Variants in ADAMTS17 observed in about 807,000 individuals in gnomAD.
ADAMTS17 encodes the protein ADAM metallopeptidase with thrombospondin type 1 motif 17.
ADAMTS17 carries 113 observed loss-of-function variants against 141.5 expected under a neutral mutation model. The observed-to-expected ratio is 0.80, with a 90% CI of 0.69 to 0.93. The LOEUF (loss-of-function observed/expected upper bound fraction) is 0.93, where lower values mean the gene tolerates loss of function less well. Ranked by LOEUF, ADAMTS17 falls within the 40% of genes least tolerant of loss-of-function variation. The pLI, the probability that ADAMTS17 is intolerant of heterozygous loss-of-function variation, is 0.00. For synonymous variants in ADAMTS17, 768 were observed against 630.6 expected, an observed-to-expected ratio of 1.22 and a Z score of -3.27; for missense variants, 1,659 against 1,517.9, an observed-to-expected ratio of 1.09 and a Z score of -1.54.
intron 7 of ADAMTS17, among the ~76,000 whole-genome samples, chr15:100,248,842 A>C (rs901950165): frequency 6.7e-6 from 1 of 149,674 alleles, no homozygotes; most frequent in Non-Finnish European, 1.5e-5. Flanking sequence ...TCTGTTGCCC[A>C]GGCTGGAGTG....
intron 13 of ADAMTS17, among the ~76,000 whole-genome samples, chr15:100,115,002 G>A (rs2037023607): frequency 6.6e-6 from 1 of 152,232 alleles, no homozygotes; most frequent in South Asian, 2.1e-4. Flanking sequence ...ACAACTTGGG[G>A]CACAAAGTTG....
chr15:99,976,916 G>A (rs531426473), intron 20 of ADAMTS17, among the ~76,000 whole-genome samples: 2 of 152,248 alleles, frequency 1.3e-5, no homozygotes, highest in African/African-American at 2.4e-5. Flanking sequence ...GCTCGCCTCT[G>A]CTCCAGGCTC....
chr15:100,132,568 C>T (rs1456688732), intron 11 of ADAMTS17, among the ~76,000 whole-genome samples: 3 of 152,210 alleles, frequency 2.0e-5, no homozygotes, highest in Admixed American at 1.3e-4. Context: ...GCCAGCTCCA[C>T]GTGAGGGAAC....
In ADAMTS17 at chr15:99,997,481, C is replaced by G. The variant is rs149373184; in HGVS notation, c.2700G>C (p.Thr900=). The G allele has an allele frequency of 2.5e-6, 4 of 1,613,420 alleles. No individual in the cohort carries two copies. Among genetic ancestry groups the G allele is most frequent in the Non-Finnish European group, 3.4e-6 (4 of 1,179,976 alleles). The change falls in exon 19 of 22, where the codon ACG becomes ACC. Residue 900 remains threonine, a synonymous_variant. Transcript: ENST00000268070. The surrounding 1 kb of genome is among the most constrained non-coding windows in gnomAD (Gnocchi z 4.7). The part of the protein sequence containing the change: ...YQLQNGTHVA[T]RPLYCPGPRP... ...GGGGGCCCGGGCAGTAGAGGGGCCG[C>G]GTAGCGACGTGTGTGCCGTTCTGCA...
chr15:100,096,536 C>T (rs769956045), intron 14 of ADAMTS17, 60 bp from the exon 15 acceptor site: 7 of 1,612,072 alleles, frequency 4.3e-6, no homozygotes, highest in Non-Finnish European at 5.9e-6. Flanking sequence ...TTTAAAGAGG[C>T]TGCCCTGCAA....
At chr15:100,057,614 G>A (rs1490454606) in intron 15 of ADAMTS17, among the ~76,000 whole-genome samples, 1 of 152,154 alleles carries the variant, frequency 6.6e-6, no homozygotes, top group Non-Finnish European at 1.5e-5. Flanking sequence ...TTAAGCAATG[G>A]TACCCAGGGT....
chr15:100,168,159 C>T (rs1364453643), intron 8 of ADAMTS17, among the ~76,000 whole-genome samples: 1 of 152,184 alleles, frequency 6.6e-6, no homozygotes, highest in Admixed American at 6.5e-5. Context: ...GGGAGGGCTC[C>T]GAGGATGCAG....
intron 15 of ADAMTS17, among the ~76,000 whole-genome samples, chr15:100,090,803 C>T (rs1596395891): frequency 6.6e-6 from 1 of 152,034 alleles, no homozygotes; most frequent in African/African-American, 2.4e-5. Flanking sequence ...GTCAGGAGTT[C>T]AAGACTAGCC....
At chr15:100,210,687 C>T (rs949013519) in intron 7 of ADAMTS17, among the ~76,000 whole-genome samples, 2 of 152,186 alleles carry the variant, frequency 1.3e-5, no homozygotes, top group African/African-American at 2.4e-5. Context: ...AAGAGCTAGT[C>T]AGGCGCAGTG....
chr15:99,991,571 T>C (rs947395793), intron 20 of ADAMTS17, among the ~76,000 whole-genome samples: 3 of 151,832 alleles, frequency 2.0e-5, no homozygotes, highest in African/African-American at 7.3e-5. Context: ...ACACTGTTCA[T>C]GGGGAATGTA....
chr15:100,193,216 A>G (rs1193109102), intron 8 of ADAMTS17, among the ~76,000 whole-genome samples: 1 of 152,142 alleles, frequency 6.6e-6, no homozygotes, highest in Admixed American at 6.5e-5. Flanking sequence ...CAGTGGCTCC[A>G]CCACAGGTCA....
intron 15 of ADAMTS17, among the ~76,000 whole-genome samples, chr15:100,054,585 A>G (rs1190195653): frequency 1.3e-5 from 2 of 152,152 alleles, no homozygotes; most frequent in Admixed American, 1.3e-4. Flanking sequence ...CCCCATTACT[A>G]AAGTGGACGT....
At chr15:100,096,543 G>A (rs956345678) in intron 14 of ADAMTS17, 67 bp from the exon 15 acceptor site, 42 of 1,609,422 alleles carry the variant, frequency 2.6e-5, no homozygotes, top group Non-Finnish European at 3.5e-5. Context: ...AGGCTGCCCT[G>A]CAAGGCTAAC....
Position 100,341,286 on chromosome 15 carries a change from G to A in ADAMTS17, c.203C>T (p.Pro68Leu), listed in dbSNP as rs1292404696. The change falls in exon 2 of 22, where the codon CCC (proline) becomes CTC (leucine). Residue 68 changes from proline to leucine, a missense_variant. Pro to Leu is a moderately conservative substitution (Grantham distance 98). Coordinates refer to ENST00000268070, the MANE Select transcript of ADAMTS17 (RefSeq NM_139057.4). ...GPRRRRRPRT[P>L]PAAPRARPGE... Reference sequence around the variant, plus strand: ...GGGCCGGGCGCGCGGGGCGGCTGGGGGCGTGCGGGGGCGTCGCCGCCGTCG... The same window carrying A: ...GGGCCGGGCGCGCGGGGCGGCTGGGAGCGTGCGGGGGCGTCGCCGCCGTCG... 5.3e-6 allele frequency: 6 copies of A among 1,127,464 alleles called. No homozygotes were observed. The highest frequency in any genetic ancestry group is 6.5e-6 in the Non-Finnish European group (6 of 924,300). 69.8% of individuals were successfully genotyped at this position (1,127,464 alleles called of 1,614,324 possible).
intron 7 of ADAMTS17, among the ~76,000 whole-genome samples, chr15:100,227,134 GC>G (rs1296527593): frequency 6.6e-6 from 1 of 152,044 alleles, no homozygotes; most frequent in Non-Finnish European, 1.5e-5. Context: ...AACCCCGAGT[GC>G]CCCCTCAGCC....
chr15:100,264,810 T>C (rs2043652061), intron 4 of ADAMTS17, among the ~76,000 whole-genome samples: 1 of 151,342 alleles, frequency 6.6e-6, no homozygotes, highest in Non-Finnish European at 1.5e-5. Flanking sequence ...TTCCAGGGGC[T>C]GGGGGGAGGC....
chr15:100,308,576 T>TA (rs2045302117), intron 3 of ADAMTS17, among the ~76,000 whole-genome samples: 1 of 152,206 alleles, frequency 6.6e-6, no homozygotes, highest in African/African-American at 2.4e-5. Context: ...TAACTCCAAG[T>TA]AACTACTCTT....
At chr15:100,265,940 C>T (rs763848968) in intron 4 of ADAMTS17, among the ~76,000 whole-genome samples, 27 of 152,290 alleles carry the variant, frequency 1.8e-4, no homozygotes, top group Admixed American at 3.3e-4. Flanking sequence ...TGCTCCTTCC[C>T]CACCCTGCTC....
At chr15:100,212,927 G>A (rs149706231) in intron 7 of ADAMTS17, among the ~76,000 whole-genome samples, 3 of 152,098 alleles carry the variant, frequency 2.0e-5, no homozygotes, top group African/African-American at 4.8e-5. Flanking sequence ...TCAGGTGCAC[G>A]CATTTAATTT....
Sources: gnomAD v4.1 joint callset for allele counts (sites outside exome capture counted in the v4.1 genomes callset) on GRCh38, gnomAD v4.1.1 for gene constraint, Gnocchi (gnomAD v3.1) non-coding constraint, MANE v1.5 for transcripts, NCBI Gene and HGNC (gene_info 2026-07-23, HGNC 2026-07-21) for gene names.